Variants in APBA1 observed in about 807,000 individuals in gnomAD.
APBA1 encodes amyloid beta precursor protein binding family A member 1.
APBA1 carries 55 observed loss-of-function variants against 86.6 expected under a neutral mutation model. The observed-to-expected ratio is 0.64, with a 90% confidence interval of 0.51 to 0.80. The LOEUF is 0.80. Among genes scored for constraint, APBA1 ranks in the 30% least tolerant of loss-of-function variants. The probability of loss-of-function intolerance (pLI) is 0.00; values close to 1 mark genes in which losing one functional copy is unlikely to be tolerated. For missense variants in APBA1, 1,090 were observed against 1,183.0 expected (o/e 0.92, Z 1.15); for synonymous variants, 511 against 493.9 (o/e 1.03, Z -0.46).
At chr9:69,436,960 A>T (rs1834735288) in intron 11 of APBA1, among the ~76,000 whole-genome samples, 1 of 152,058 alleles carries the variant, frequency 6.6e-6, no homozygotes, top group Non-Finnish European at 1.5e-5. Context: ...ATCAATACCT[A>T]ATTTATTGAG....
At chr9:69,457,203 A>G in intron 6 of APBA1, 64 bp from the exon 7 acceptor site, 2 of 1,284,932 alleles carry the variant, frequency 1.6e-6, no homozygotes, top group Non-Finnish European at 2.3e-6. Context: ...ATGCAGAAGG[A>G]GTAAGGTTAG....
At chr9:69,591,958 A>G (rs1215365888) in intron 1 of APBA1, among the ~76,000 whole-genome samples, 2 of 152,206 alleles carry the variant, frequency 1.3e-5, no homozygotes, top group Non-Finnish European at 1.5e-5. Flanking sequence ...TCCCCTAAAT[A>G]TATCTATCCA....
At chr9:69,664,936 TATG>T (rs2134029693) in intron 1 of APBA1, among the ~76,000 whole-genome samples, 1 of 152,348 alleles carries the variant, frequency 6.6e-6, no homozygotes, top group African/African-American at 2.4e-5. Context: ...AAAAATTCTT[TATG>T]ATACCTCTGT....
chr9:69,653,920 G>A (rs150281102), intron 1 of APBA1, among the ~76,000 whole-genome samples: 240 of 151,890 alleles, frequency 1.6e-3, no homozygotes, highest in African/African-American at 5.4e-3. Context: ...CCAGCCTGAC[G>A]AACATGGAGA....
At chr9:69,640,249 G>A (rs567834393) in intron 1 of APBA1, among the ~76,000 whole-genome samples, 1 of 151,998 alleles carries the variant, frequency 6.6e-6, no homozygotes, top group South Asian at 2.1e-4. Context: ...AAACTTACTA[G>A]GAAACAATGA....
chr9:69,618,652 C>T (rs1294613978), intron 1 of APBA1, among the ~76,000 whole-genome samples: 1 of 152,136 alleles, frequency 6.6e-6, no homozygotes, highest in Non-Finnish European at 1.5e-5. Flanking sequence ...CCAGGTAGGG[C>T]AGAACCAGAT....
chr9:69,567,130 T>C (rs954382816), intron 1 of APBA1, among the ~76,000 whole-genome samples: 1 of 152,228 alleles, frequency 6.6e-6, no homozygotes, highest in Non-Finnish European at 1.5e-5. Flanking sequence ...GCATTATATA[T>C]TCATTCAACA....
intron 2 of APBA1, among the ~76,000 whole-genome samples, chr9:69,490,970 G>A (rs547907898): frequency 6.6e-6 from 1 of 152,240 alleles, no homozygotes; most frequent in East Asian, 1.9e-4. Flanking sequence ...TGCTAGAGAG[G>A]ATGTGGAGAA....
intron 1 of APBA1, among the ~76,000 whole-genome samples, chr9:69,537,570 G>C (rs553324704): frequency 6.6e-6 from 1 of 152,062 alleles, no homozygotes; most frequent in Non-Finnish European, 1.5e-5. Context: ...AAGGAGGGTC[G>C]GGGAGAGAAG....
chr9:69,434,658 G>T (rs981645138), intron 11 of APBA1, among the ~76,000 whole-genome samples: 2 of 149,464 alleles, frequency 1.3e-5, no homozygotes, highest in Non-Finnish European at 3.0e-5. Flanking sequence ...AGTGAGCCGA[G>T]ATCGTGCCAC....
chr9:69,582,927 A>T (rs1332406941), intron 1 of APBA1, among the ~76,000 whole-genome samples: 1 of 152,218 alleles, frequency 6.6e-6, no homozygotes, highest in Non-Finnish European at 1.5e-5. Flanking sequence ...AGAAAAATAC[A>T]ACCAGCTTTG....
intron 11 of APBA1, among the ~76,000 whole-genome samples, chr9:69,436,870 G>C (rs1402828744): frequency 6.6e-6 from 1 of 151,848 alleles, no homozygotes; most frequent in Non-Finnish European, 1.5e-5. Context: ...CAAAGGGAAT[G>C]CTTCCAGTTT....
chr9:69,517,132 C>A lies in APBA1; in HGVS notation c.79G>T (p.Ala27Ser). 1 of 1,569,568 alleles carries A rather than the reference C, an allele frequency of 6.4e-7. No homozygotes were observed. The highest frequency in any genetic ancestry group is 8.6e-7 in the Non-Finnish European group (1 of 1,159,378). The change falls in exon 2 of 13, where the codon GCC becomes TCC. Residue 27 changes from alanine (A) to serine (S), a missense_variant. Physicochemically the swap from Ala to Ser is moderately conservative, Grantham distance 99 (BLOSUM62 1). Transcript: ENST00000265381. The stretch of plus-strand genomic sequence containing the variant: ...TCCACCTCGGGGTGCTCCAGGTCGG[C>A]CTCCACCGACTCGTTCACCTCCCCA... Reference protein sequence around the residue: ...AGGEVNESVEADLEHPEVEEE... With the variant: ...AGGEVNESVESDLEHPEVEEE...
chr9:69,440,928 C>G (rs368789704), intron 11 of APBA1, 68 bp downstream of exon 11: 27 of 1,567,150 alleles, frequency 1.7e-5, no homozygotes, highest in African/African-American at 9.5e-5. Context: ...TTGGCTCCAC[C>G]CCCCCAGCCA....
At chr9:69,535,200 G>C (rs777337840) in intron 1 of APBA1, among the ~76,000 whole-genome samples, 1 of 152,170 alleles carries the variant, frequency 6.6e-6, no homozygotes, top group Non-Finnish European at 1.5e-5. Flanking sequence ...ATGTTCACCT[G>C]TGTGCCAAGG....
intron 1 of APBA1, among the ~76,000 whole-genome samples, chr9:69,542,161 T>C (rs7036538): frequency 0.063 from 9,541 of 152,234 alleles, 343 homozygotes; most frequent in African/African-American, 0.094. Context: ...GGAGTTCCCA[T>C]ATACATCTCC....
intron 1 of APBA1, among the ~76,000 whole-genome samples, chr9:69,560,106 C>T (rs1836925509): frequency 6.6e-6 from 1 of 152,138 alleles, no homozygotes; most frequent in Admixed American, 6.5e-5. Flanking sequence ...CATCAACTGC[C>T]CCTGCATGCG....
At chr9:69,618,532 A>G (rs1178905904) in intron 1 of APBA1, among the ~76,000 whole-genome samples, 3 of 152,208 alleles carry the variant, frequency 2.0e-5, no homozygotes, top group Admixed American at 6.5e-5. Context: ...AAAGAGACCA[A>G]TGAAACGGAG....
At chr9:69,580,081 C>T (rs1821885135) in intron 1 of APBA1, among the ~76,000 whole-genome samples, 1 of 152,186 alleles carries the variant, frequency 6.6e-6, no homozygotes, top group Non-Finnish European at 1.5e-5. Flanking sequence ...GCAGCAAAGA[C>T]AGCCAAGAAC....
Sources: gnomAD v4.1 joint callset for allele counts (sites outside exome capture counted in the v4.1 genomes callset) on GRCh38, gnomAD v4.1.1 for gene constraint, MANE v1.5 for transcripts, NCBI Gene and HGNC (gene_info 2026-07-23, HGNC 2026-07-21) for gene names.